BPTF: variants seen among roughly 807,000 people sequenced by gnomAD.
BPTF encodes the protein nucleosome-remodeling factor subunit BPTF.
Under a neutral mutation model 292.5 loss-of-function variants are expected in BPTF, and 18 were observed. That is an observed-to-expected ratio of 0.06 (90% CI 0.04 to 0.09). The LOEUF is 0.09. Ranked by LOEUF, BPTF falls within the 10% of genes least tolerant of loss-of-function variation. The pLI is 1.00. For synonymous variants in BPTF, 1,225 were observed against 1,251.9 expected (o/e 0.98, Z 0.45); for missense variants, 2,726 against 3,498.7 (o/e 0.78, Z 5.57).
rs2058598298 is a variant in BPTF, at chr17:67,854,856, A to G, written c.1436+94A>G. 9.4e-6 allele frequency: 8 copies of G among 846,854 alleles called. No homozygotes were observed. The highest frequency in any genetic ancestry group is 1.7e-5 in the African/African-American group (1 of 58,220). The allele number at this position is 846,854 out of a possible 1,614,324, so 52.5% of individuals were successfully genotyped here. ...AGCAGAGCTATGCTGTTGATGTGGT[A>G]TAAACCTTTGTAACTTAATAGTTAT... is the stretch of plus-strand genomic sequence containing the variant. On this transcript the variant is annotated intron_variant, in intron 2 of 27. Coordinates refer to ENST00000306378, the MANE Select transcript of BPTF (RefSeq NM_182641.4). The surrounding 1 kb of genome is among the most constrained non-coding windows in gnomAD (Gnocchi z 5.6).
intron 1 of BPTF, among the ~76,000 whole-genome samples, chr17:67,828,133 T>C (rs932620030): frequency 1.3e-5 from 2 of 152,116 alleles, no homozygotes; most frequent in African/African-American, 4.8e-5. Flanking sequence ...GGTTTCACCA[T>C]GTTGGCCAGG....
At chr17:67,835,085 C>A (rs2057019514) in intron 1 of BPTF, among the ~76,000 whole-genome samples, 1 of 152,068 alleles carries the variant, frequency 6.6e-6, no homozygotes, top group Non-Finnish European at 1.5e-5. Flanking sequence ...GTTGGCATGC[C>A]TGTAGTCCTA....
chr17:67,865,910 C>G (rs746720597), intron 2 of BPTF, among the ~76,000 whole-genome samples: 4 of 152,080 alleles, frequency 2.6e-5, no homozygotes, highest in Non-Finnish European at 5.9e-5. Context: ...CTTCAAAAAC[C>G]AGAACTTAGC....
chr17:67,975,917 A>G lies in BPTF; in HGVS notation c.8685A>G (p.Glu2895=). The G allele has an allele frequency of 6.2e-7, 1 of 1,613,204 alleles. No individual in the cohort carries two copies. The highest frequency in any genetic ancestry group is 1.3e-5 in the African/African-American group (1 of 75,022). The part of the protein sequence containing the change: ...SPFYQCAEVL[E]SFFVQKLKGF... ...TTTACCAGTGTGCAGAAGTTCTCGAATCATTCTTTGTACAGAAATTGAAAG... is the reference window on the plus strand; with the variant it reads ...TTTACCAGTGTGCAGAAGTTCTCGAGTCATTCTTTGTACAGAAATTGAAAG... Residue 2895 remains glutamate, a synonymous_variant, in exon 27 of 28, where the codon GAA becomes GAG. Coordinates refer to ENST00000306378, the MANE Select transcript of BPTF (RefSeq NM_182641.4).
chr17:67,834,953 C>CTGT (rs1352868551), intron 1 of BPTF, among the ~76,000 whole-genome samples: 1 of 152,180 alleles, frequency 6.6e-6, no homozygotes, highest in African/African-American at 2.4e-5. Context: ...TGGCTCATAC[C>CTGT]TGTAGTCCCA....
In BPTF at chr17:67,826,011, G is replaced by C. The variant is rs1055192173; in HGVS notation, c.287G>C (p.Gly96Ala). The change falls in exon 1 of 28, where the codon GGA (glycine) becomes GCA (alanine). Residue 96 changes from glycine to alanine, a missense_variant. Gly to Ala is a moderately conservative substitution (Grantham distance 60). This residue lies in a region of BPTF where 103 missense variants were observed against 72.1 expected (regional missense o/e 1.43). Transcript: ENST00000306378. ...STSAPGRGGR[G>A]GGGGRTGGGG... The stretch of plus-strand genomic sequence containing the variant: ...AGCGCCCCGGGCCGGGGGGGGCGAG[G>C]AGGCGGGGGCGGCAGGACGGGGGGC... The C allele has an allele frequency of 1.4e-3, 1,701 of 1,179,544 alleles. 3 individuals carry two copies. Among genetic ancestry groups the C allele is most frequent in the Non-Finnish European group, 1.6e-3 (1,503 of 951,094 alleles). 73.1% of individuals were successfully genotyped at this position (1,179,544 alleles called of 1,614,324 possible). A position where few individuals can be genotyped will look rare whatever the true frequency, so the allele number is the denominator to read the frequency against.
intron 20 of BPTF, among the ~76,000 whole-genome samples, chr17:67,945,088 C>T (rs144845654): frequency 1.5e-3 from 223 of 152,236 alleles, no homozygotes; most frequent in African/African-American, 5.2e-3. Flanking sequence ...CAGGCTGAAG[C>T]GAAGTAGCAC....
chr17:67,940,226 A>G (rs2065255189), intron 18 of BPTF, among the ~76,000 whole-genome samples: 1 of 152,166 alleles, frequency 6.6e-6, no homozygotes, highest in South Asian at 2.1e-4. Context: ...GACAGCAGAG[A>G]CTGGATAACG....
rs968032978 is a variant in BPTF at position 67,947,680 on chromosome 17, G to A, written c.7618-46G>A. On this transcript the variant is annotated intron_variant, in intron 21 of 27. Transcript: ENST00000306378. ...ACTGTTGTTATCTGTGTACTAACCT[G>A]TGGTGATTATAAAATATGCGCTTTT... The A allele has an allele frequency of 2.3e-5, 33 of 1,435,962 alleles. No homozygotes were observed. The Admixed American group carries it at 4.5e-4, about 19-fold the overall frequency. The allele number at this position is 1,435,962 out of a possible 1,614,324, so 89.0% of individuals were successfully genotyped here.
At chr17:67,888,847 T>C (rs1380882273) in intron 4 of BPTF, among the ~76,000 whole-genome samples, 1 of 152,166 alleles carries the variant, frequency 6.6e-6, no homozygotes, top group Admixed American at 6.5e-5. Context: ...TGTCTGTTAC[T>C]GGGGTTGGGT....
chr17:67,867,117 C>G (rs751171899), intron 3 of BPTF, among the ~76,000 whole-genome samples: 1 of 152,188 alleles, frequency 6.6e-6, no homozygotes, highest in African/African-American at 2.4e-5. Flanking sequence ...GTATATTTTA[C>G]TTTAGTTCTC....
chr17:67,856,142 TC>T (rs2058677728), intron 2 of BPTF, among the ~76,000 whole-genome samples: 2 of 152,242 alleles, frequency 1.3e-5, no homozygotes, highest in South Asian at 4.1e-4. Flanking sequence ...GACTTTCTTA[TC>T]ATTTCTCTCC....
At chr17:67,859,218 T>A (rs749608240) in intron 2 of BPTF, among the ~76,000 whole-genome samples, 1 of 152,218 alleles carries the variant, frequency 6.6e-6, no homozygotes, top group Non-Finnish European at 1.5e-5. Context: ...TGATCATGGC[T>A]CACTGCAGCG....
intron 1 of BPTF, among the ~76,000 whole-genome samples, chr17:67,827,645 G>C (rs1004156431): frequency 3.9e-5 from 6 of 152,116 alleles, no homozygotes; most frequent in Admixed American, 2.6e-4. Context: ...GTCTTTCTCA[G>C]AGAGACTAGG....
At chr17:67,901,352 A>G (rs2061829210) in intron 7 of BPTF, among the ~76,000 whole-genome samples, 1 of 151,772 alleles carries the variant, frequency 6.6e-6, no homozygotes, top group Non-Finnish European at 1.5e-5. Flanking sequence ...AACGTCAATA[A>G]GAAAGCATGA....
chr17:67,973,393 T>G (rs782059403), intron 26 of BPTF, among the ~76,000 whole-genome samples: 17 of 151,674 alleles, frequency 1.1e-4, no homozygotes, highest in Non-Finnish European at 2.4e-4. Context: ...ATAAAATATA[T>G]ATATAACAAA....
Position 67,912,588 on chromosome 17 carries a change from C to T in BPTF, c.4704C>T (p.Pro1568=), listed in dbSNP as rs759164154. 6.2e-7 allele frequency: 1 copy of T among 1,612,976 alleles called. No homozygotes were observed. Among genetic ancestry groups the T allele is most frequent in the Non-Finnish European group, 8.5e-7 (1 of 1,179,762 alleles). ...SNDFIDENGL[P]INKNENVNGE... ...ACTTTATTGATGAAAATGGTCTGCC[C>T]ATCAACAAAAATGAAAATGTCAATG... Residue 1568 remains proline (P), a synonymous_variant, in exon 11 of 28, where the codon CCC becomes CCT. Transcript: ENST00000306378.
chr17:67,836,553 G>T (rs1164317269), intron 1 of BPTF, among the ~76,000 whole-genome samples: 1 of 152,134 alleles, frequency 6.6e-6, no homozygotes, highest in African/African-American at 2.4e-5. Context: ...AATAGTGAAT[G>T]ACATCTTAGC....
Position 67,911,875 on chromosome 17 carries a change from C to G in BPTF, c.3991C>G (p.Pro1331Ala), listed in dbSNP as rs2062676189. The G allele has an allele frequency of 1.2e-6, 2 of 1,613,832 alleles. No homozygotes were observed. Among genetic ancestry groups the G allele is most frequent in the Non-Finnish European group, 1.7e-6 (2 of 1,179,954 alleles). ...TREQDVEVLE[P>A]LKCELVSGES... is the part of the protein sequence containing the mutation. ...AGAACAAGATGTTGAAGTCTTGGAG[C>G]CGTTAAAGTGTGAGTTGGTTTCTGG... Residue 1331 changes from proline (P) to alanine (A), a missense_variant, in exon 11 of 28, where the codon CCG becomes GCG. This residue lies in a region of BPTF where 713 missense variants were observed against 714.9 expected (regional missense o/e 1.00). Transcript: ENST00000306378.
Sources: gnomAD v4.1 joint callset for allele counts (sites outside exome capture counted in the v4.1 genomes callset) on GRCh38, gnomAD v4.1.1 for gene constraint, gnomAD v4.1.1 regional missense constraint, Gnocchi (gnomAD v3.1) non-coding constraint, MANE v1.5 for transcripts, NCBI Gene and HGNC (gene_info 2026-07-23, HGNC 2026-07-21) for gene names.